Variants in LPP observed in about 807,000 individuals in gnomAD.
LPP encodes the protein LIM domain containing preferred translocation partner in lipoma.
In LPP, 38 loss-of-function variants were observed where a neutral mutation model predicts 60.4. The observed-to-expected ratio is 0.63, with a 90% CI of 0.49 to 0.83. LPP has a LOEUF of 0.83. Ranked by LOEUF, LPP falls within the 40% of genes least tolerant of loss-of-function variation. The pLI, the probability that LPP is intolerant of heterozygous loss-of-function variation, is 0.00. For missense variants in LPP, 902 were observed against 783.6 expected, an observed-to-expected ratio of 1.15 and a Z score of -1.80; for synonymous variants, 328 against 290.8, an observed-to-expected ratio of 1.13 and a Z score of -1.30.
rs1260656926 is a variant in LPP at position 188,592,557 on chromosome 3, G to GTTTGTTTTTTTTTTTTTTTTTTTT, written c.430-16601_430-16600insGTTTTTTTTTTTTTTTTTTTTTTT. 7.4e-3 allele frequency among the ~76,000 whole-genome samples: 637 copies of GTTTGTTTTTTTTTTTTTTTTTTTT among 85,524 alleles called. 40 individuals are homozygous for GTTTGTTTTTTTTTTTTTTTTTTTT. The highest frequency in any genetic ancestry group is 0.017 in the African/African-American group (370 of 22,018). The allele number at this position is 85,524 out of a possible 152,430, so 56.1% of individuals were successfully genotyped here. A position where few individuals can be genotyped will look rare whatever the true frequency, so the allele number is the denominator to read the frequency against. On this transcript the variant is annotated intron_variant, in intron 6 of 11. Transcript: ENST00000617246. ...TATCACTGTTTTTAGTTTTGTTTTT[G>GTTTGTTTTTTTTTTTTTTTTTTTT]TTTTTTAAATGGAGTCTCACTCTTT...
intron 6 of LPP, among the ~76,000 whole-genome samples, chr3:188,599,469 T>C (rs999584155): frequency 3.3e-5 from 5 of 152,160 alleles, no homozygotes; most frequent in African/African-American, 7.2e-5. Flanking sequence ...CATACCAACA[T>C]TGGGGTCTCT....
At chr3:188,283,857 A>T (rs1742982148) in intron 2 of LPP, among the ~76,000 whole-genome samples, 2 of 152,052 alleles carry the variant, frequency 1.3e-5, no homozygotes, top group South Asian at 4.2e-4. Flanking sequence ...CATGCCTGTA[A>T]TCCCAGCTAC....
chr3:188,500,687 T>C (rs889478415), intron 5 of LPP, among the ~76,000 whole-genome samples: 1 of 152,178 alleles, frequency 6.6e-6, no homozygotes, highest in Admixed American at 6.5e-5. Flanking sequence ...TGGTTCCAGA[T>C]TTTTTCTTAC....
chr3:188,618,646 G>A (rs956498301), intron 7 of LPP, among the ~76,000 whole-genome samples: 6 of 152,094 alleles, frequency 3.9e-5, no homozygotes, highest in South Asian at 2.1e-4. Context: ...TAGTATTTCC[G>A]GGACATAACA....
chr3:188,354,813 G>A (rs555374411), intron 3 of LPP, among the ~76,000 whole-genome samples: 5 of 93,628 alleles, frequency 5.3e-5, no homozygotes, highest in African/African-American at 8.8e-5. Context: ...ACACACACGC[G>A]CGTGCGCGCA....
chr3:188,240,605 A>C (rs1577481558), intron 2 of LPP, among the ~76,000 whole-genome samples: 1 of 152,150 alleles, frequency 6.6e-6, no homozygotes, highest in Non-Finnish European at 1.5e-5. Context: ...AGGATATTAG[A>C]CCAGCAACAT....
At chr3:188,171,504 C>T (rs1241108107) in intron 1 of LPP, among the ~76,000 whole-genome samples, 1 of 152,222 alleles carries the variant, frequency 6.6e-6, no homozygotes, top group Non-Finnish European at 1.5e-5. Context: ...GCTGTCCACT[C>T]TGAAACCTCC....
chr3:188,731,516 T>TTTTTTGTTTTGTTTTG (rs1553817761), intron 8 of LPP, among the ~76,000 whole-genome samples: 2 of 145,700 alleles, frequency 1.4e-5, no homozygotes, highest in Admixed American at 6.9e-5. Flanking sequence ...TTTTTTGTTT[T>TTTTTTGTTTTGTTTTG]TTTTGTTTTG....
intron 8 of LPP, among the ~76,000 whole-genome samples, chr3:188,728,364 C>G (rs7628937): frequency 0.22 from 33,861 of 152,048 alleles, 4,738 homozygotes; most frequent in Middle Eastern, 0.46. Flanking sequence ...AAAGAACCTG[C>G]GTCTTTTGAC....
chr3:188,168,886 A>G (rs965042895), intron 1 of LPP, among the ~76,000 whole-genome samples: 1 of 152,256 alleles, frequency 6.6e-6, no homozygotes, highest in Non-Finnish European at 1.5e-5. Context: ...GTATTTAATT[A>G]ACATTCAGCA....
chr3:188,506,958 T>C (rs950969687), intron 5 of LPP, among the ~76,000 whole-genome samples: 4 of 152,012 alleles, frequency 2.6e-5, no homozygotes, highest in South Asian at 4.2e-4. Flanking sequence ...CCACCACACC[T>C]GGCTAATTTT....
Position 188,516,497 on chromosome 3 carries a change from A to G in LPP, c.307-8168A>G, listed in dbSNP as rs116246654. Among the ~76,000 whole-genome samples, 1,109 of 151,974 alleles carry G rather than the reference A, an allele frequency of 7.3e-3. 11 individuals carry two copies. The highest frequency in any genetic ancestry group is 0.025 in the African/African-American group (1,015 of 41,388). On this transcript the variant is annotated intron_variant, in intron 5 of 11. Transcript: ENST00000617246. The stretch of plus-strand genomic sequence containing the variant: ...CTCTTAGCTATTATTTGGTGTGTCA[A>G]TTGGTATTTTCATGGCATCATTAAC...
At chr3:188,332,747 A>G (rs149624348) in intron 2 of LPP, among the ~76,000 whole-genome samples, 168 of 152,264 alleles carry the variant, frequency 1.1e-3, no homozygotes, top group African/African-American at 3.9e-3. Flanking sequence ...TTTTTGCATT[A>G]AGAAGCTTCT....
intron 8 of LPP, among the ~76,000 whole-genome samples, chr3:188,718,442 A>T (rs918426646): frequency 1.3e-5 from 2 of 152,234 alleles, no homozygotes; most frequent in African/African-American, 4.8e-5. Context: ...CCTTAAAAAG[A>T]ATAAAATAAA....
intron 5 of LPP, among the ~76,000 whole-genome samples, chr3:188,492,343 C>T (rs1808620874): frequency 6.6e-6 from 1 of 152,180 alleles, no homozygotes; most frequent in Middle Eastern, 3.4e-3. Flanking sequence ...GTGAAATGTA[C>T]TTATTGTTTT....
intron 4 of LPP, among the ~76,000 whole-genome samples, chr3:188,459,153 T>C (rs1798421625): frequency 1.3e-5 from 2 of 152,134 alleles, no homozygotes; most frequent in African/African-American, 4.8e-5. Context: ...GCTACTGAAA[T>C]AGGCCCAAGT....
At chr3:188,736,897 T>A (rs902634507) in intron 8 of LPP, among the ~76,000 whole-genome samples, 1 of 152,014 alleles carries the variant, frequency 6.6e-6, no homozygotes, top group African/African-American at 2.4e-5. Context: ...ATATTATCAA[T>A]CCCAAATAAT....
intron 4 of LPP, among the ~76,000 whole-genome samples, chr3:188,410,377 T>C (rs1190708246): frequency 6.6e-6 from 1 of 152,226 alleles, no homozygotes; most frequent in Non-Finnish European, 1.5e-5. Context: ...TGGAGTTTGC[T>C]TTCCCATGTT....
rs566743997 is a variant in LPP, at chr3:188,191,751, A to T, written c.-189-33654A>T. On this transcript the variant is annotated intron_variant, in intron 1 of 11. Transcript: ENST00000617246. The stretch of plus-strand genomic sequence containing the variant: ...AGCTCACTGTAGCTGAGTGTTCTGG[A>T]TGCTGGGGAGTCATGTGCTTCCGGA... Among the ~76,000 whole-genome samples the T allele has an allele frequency of 2.9e-4, 44 of 152,298 alleles. 1 individual carries two copies. The South Asian group carries it at 8.7e-3, about 30-fold the overall frequency.
Sources: gnomAD v4.1 joint callset for allele counts (sites outside exome capture counted in the v4.1 genomes callset) on GRCh38, gnomAD v4.1.1 for gene constraint, MANE v1.5 for transcripts, NCBI Gene and HGNC (gene_info 2026-07-23, HGNC 2026-07-21) for gene names.